Variants in MGAM observed in about 807,000 individuals in gnomAD.
The protein encoded by MGAM is alpha-1,4-glucosidase.
Under a neutral mutation model 358.8 loss-of-function variants are expected in MGAM, and 253 were observed. That is an observed-to-expected ratio of 0.71 (90% CI 0.64 to 0.78). The LOEUF (loss-of-function observed/expected upper bound fraction) is 0.78. Ranked by LOEUF, MGAM falls within the 30% of genes least tolerant of loss-of-function variation. MGAM has a pLI of 0.00. For missense variants in MGAM, 3,080 were observed against 3,432.6 expected, an observed-to-expected ratio of 0.90 and a Z score of 2.57; for synonymous variants, 1,105 against 1,227.1, an observed-to-expected ratio of 0.90 and a Z score of 2.08.
chr7:142,044,407 A>G (rs1397458682), intron 21 of MGAM, among the ~76,000 whole-genome samples: 1 of 138,820 alleles, frequency 7.2e-6, no homozygotes, highest in Non-Finnish European at 1.5e-5. Context: ...TATATGATAT[A>G]TAATGAATAT....
chr7:142,008,107 A>G (rs530395570), intron 2 of MGAM, among the ~76,000 whole-genome samples: 5 of 152,222 alleles, frequency 3.3e-5, no homozygotes, highest in Non-Finnish European at 7.3e-5. Context: ...TAATGTGTAT[A>G]ATATGTAATG....
chr7:142,098,675 C>T (rs1816166082), intron 66 of MGAM, among the ~76,000 whole-genome samples: 1 of 152,070 alleles, frequency 6.6e-6, no homozygotes, highest in South Asian at 2.1e-4. Flanking sequence ...TATGTGTGTC[C>T]CAGCCAGGCG....
intron 16 of MGAM, 83 bp downstream of exon 16, chr7:142,034,924 CCTCT>C: frequency 7.5e-7 from 1 of 1,328,164 alleles, no homozygotes; most frequent in Non-Finnish European, 1.0e-6. Flanking sequence ...ACAAAGCTCC[CCTCT>C]CCTGCCTGCC....
At chr7:142,102,126 T>C (rs917410381) in intron 68 of MGAM, among the ~76,000 whole-genome samples, 4 of 152,172 alleles carry the variant, frequency 2.6e-5, no homozygotes, top group African/African-American at 9.7e-5. Flanking sequence ...AGGCTTTTCT[T>C]TGATCATCTT....
At chr7:142,027,068 C>G in intron 8 of MGAM, 47 bp from the exon 9 acceptor site, 1 of 1,392,308 alleles carries the variant, frequency 7.2e-7, no homozygotes, top group South Asian at 1.2e-5. Flanking sequence ...AGTTACTATT[C>G]AAGAATCAAT....
In MGAM at chr7:142,034,779, TG is replaced by T; in HGVS notation, c.1900del (p.Asp634MetfsTer3). 1 of 1,613,544 alleles carries T rather than the reference TG, an allele frequency of 6.2e-7. No homozygotes were observed. Among genetic ancestry groups the T allele is most frequent in the Admixed American group, 1.7e-5 (1 of 59,966 alleles). On this transcript the variant is annotated frameshift_variant, in exon 16 of 71. Coordinates refer to ENST00000475668, the MANE Select transcript of MGAM (RefSeq NM_001365693.1). LOFTEE classifies it high-confidence loss of function. The stretch of plus-strand genomic sequence containing the variant: ...TTGGTTAGGAGACAACACTGCCACC[TG>T]GGATGACCTGAGATGGTCCATCCCT... ...AHWLGDNTAT[W>X]DDLRWSIPGV...
At chr7:142,036,039 A>G in intron 16 of MGAM, 130 bp from the exon 17 acceptor site, 1 of 660,698 alleles carries the variant, frequency 1.5e-6, no homozygotes, top group Non-Finnish European at 2.6e-6. Flanking sequence ...CTATGACCAA[A>G]TTTTGACCAC....
In MGAM at chr7:142,022,264, C is replaced by A. The variant is rs1554459170; in HGVS notation, c.711-4C>A. 6.2e-7 allele frequency: 1 copy of A among 1,603,002 alleles called. No individual in the cohort carries two copies. The highest frequency in any genetic ancestry group is 8.5e-7 in the Non-Finnish European group (1 of 1,173,824). ...CCATCCTTGTGTTCTCCACCTGTGT[C>A]TAGGTTTGACTCGAGCATTGGGCCC... On this transcript the variant is annotated splice_region_variant and splice_polypyrimidine_tract_variant and intron_variant, in intron 6 of 70. Transcript: ENST00000475668.
chr7:142,088,822 C>CATCCATCT (rs1554491767), intron 57 of MGAM, among the ~76,000 whole-genome samples: 4 of 124,744 alleles, frequency 3.2e-5, no homozygotes, highest in African/African-American at 1.1e-4. Flanking sequence ...ATCTATGTAC[C>CATCCATCT]ATCTATCTAT....
At chr7:142,097,317 G>A (rs12535693) in intron 65 of MGAM, among the ~76,000 whole-genome samples, 58,275 of 151,136 alleles carry the variant, frequency 0.39, 13,425 homozygotes, top group East Asian at 0.63. Context: ...AGGGAATGGC[G>A]TAAGCCTATT....
intron 44 of MGAM, among the ~76,000 whole-genome samples, chr7:142,071,512 A>G (rs1813346572): frequency 6.8e-6 from 1 of 146,182 alleles, no homozygotes; most frequent in South Asian, 2.2e-4. Context: ...CAAACACGCT[A>G]ACAGCCAGGT....
rs1409711612 is a variant in MGAM at position 142,086,558 on chromosome 7, T to A, written c.6748-97T>A. On this transcript the variant is annotated intron_variant, in intron 56 of 70. Coordinates refer to ENST00000475668, the MANE Select transcript of MGAM (RefSeq NM_001365693.1). ...CAATCCTACATGATAATCAAAGTAT[T>A]GCTCCTAGGAACATGGTTTATATAA... 2.0e-5 allele frequency: 14 copies of A among 703,148 alleles called. 6 individuals carry two copies. In the East Asian group the frequency reaches 4.5e-4, roughly 23 times the overall value. The allele number at this position is 703,148 out of a possible 1,614,324, so 43.6% of individuals were successfully genotyped here.
chr7:142,052,328 GAGA>G lies in MGAM; in HGVS notation c.2843_2845del (p.Glu948del), dbSNP rs759968161. 6.2e-7 allele frequency: 1 copy of G among 1,607,972 alleles called. No individual in the cohort carries two copies. Among genetic ancestry groups the G allele is most frequent in the East Asian group, 2.2e-5 (1 of 44,726 alleles). On this transcript the variant is annotated inframe_deletion, in exon 25 of 71. Transcript: ENST00000475668. ...ATCACAGATATTGATCTTCTCCTGG[GAGA>G]AGCATACACAGTGGAATGGAGCATA...
intron 30 of MGAM, among the ~76,000 whole-genome samples, chr7:142,057,982 A>G (rs1409489085): frequency 3.3e-5 from 5 of 152,294 alleles, no homozygotes; most frequent in South Asian, 4.1e-4. Flanking sequence ...CTCTAGGAAT[A>G]GCGTAACATC....
At chr7:142,044,769 A>G (rs1400567295) in intron 21 of MGAM, among the ~76,000 whole-genome samples, 1 of 91,450 alleles carries the variant, frequency 1.1e-5, no homozygotes, top group Non-Finnish European at 2.1e-5. Flanking sequence ...TATAATGTAT[A>G]TTATATACAC....
intron 24 of MGAM, among the ~76,000 whole-genome samples, chr7:142,051,197 A>G (rs1460702539): frequency 6.6e-6 from 1 of 152,180 alleles, no homozygotes; most frequent in Non-Finnish European, 1.5e-5. Context: ...TGAATTTTGT[A>G]TGACTAGCAC....
chr7:142,035,287 A>G (rs1489697109), intron 16 of MGAM, among the ~76,000 whole-genome samples: 11 of 152,162 alleles, frequency 7.2e-5, no homozygotes, highest in Non-Finnish European at 4.4e-5. Flanking sequence ...CAGAGTAGGC[A>G]TGGTGAGAGG....
chr7:142,106,717 A>G lies in MGAM; in HGVS notation c.*826A>G, dbSNP rs1816880293. On this transcript the variant is annotated 3_prime_UTR_variant, in exon 71 of 71. Transcript: ENST00000475668. ...TAAAAATATGCAATTTATATGCCAGATAAAAATAAAACAAGTGAATTTGCA... is the reference window on the plus strand; with the variant it reads ...TAAAAATATGCAATTTATATGCCAGGTAAAAATAAAACAAGTGAATTTGCA... The G allele has an allele frequency of 6.6e-6, 1 of 152,252 alleles. No individual in the cohort carries two copies. Among genetic ancestry groups the G allele is most frequent in the Non-Finnish European group, 1.5e-5 (1 of 68,046 alleles). 9.4% of individuals were successfully genotyped at this position (152,252 alleles called of 1,614,324 possible). A position where few individuals can be genotyped will look rare whatever the true frequency, so the allele number is the denominator to read the frequency against.
At chr7:142,099,769 T>G in intron 67 of MGAM, 32 bp downstream of exon 67, 1 of 1,610,058 alleles carries the variant, frequency 6.2e-7, no homozygotes, top group Non-Finnish European at 8.5e-7. Flanking sequence ...TTCCTTTACA[T>G]GTCAGTTAGC....
Sources: allele counts gnomAD v4.1 joint callset (sites outside exome capture counted in the v4.1 genomes callset), GRCh38; gene constraint gnomAD v4.1.1; transcripts MANE v1.5; gene names NCBI Gene and HGNC (gene_info 2026-07-23, HGNC 2026-07-21).